GPR39: variants seen among roughly 807,000 people sequenced by gnomAD.
GPR39 encodes the protein G protein-coupled receptor 39, also known as zinc sensing receptor.
GPR39 carries 23 observed loss-of-function variants against 18.4 expected under a neutral mutation model. The ratio of observed to expected loss-of-function variants is 1.25; its 90% CI spans 0.90 to 1.77. GPR39 has a LOEUF of 1.77. Among genes scored for constraint, GPR39 ranks in the 40% most tolerant of loss-of-function variants. The pLI, the probability that GPR39 is intolerant of heterozygous loss-of-function variation, is 0.00. For missense variants in GPR39, 647 were observed against 602.4 expected (o/e 1.07, Z -0.78); for synonymous variants, 280 against 257.9 (o/e 1.09, Z -0.82).
chr2:132,526,068 AACTT>A (rs1324611048), intron 1 of GPR39, among the ~76,000 whole-genome samples: 5 of 152,192 alleles, frequency 3.3e-5, no homozygotes, highest in African/African-American at 1.2e-4. Context: ...TATTTACTAT[AACTT>A]ACTTGGTGGC....
At chr2:132,612,556 T>C (rs956087241) in intron 1 of GPR39, among the ~76,000 whole-genome samples, 1 of 152,214 alleles carries the variant, frequency 6.6e-6, no homozygotes, top group Non-Finnish European at 1.5e-5. Context: ...ATGTCTGCCC[T>C]TTGGAGATTG....
chr2:132,511,916 G>A (rs1278913434), intron 1 of GPR39, among the ~76,000 whole-genome samples: 5 of 151,878 alleles, frequency 3.3e-5, no homozygotes, highest in Non-Finnish European at 7.4e-5. Context: ...TGTGCTACGT[G>A]CGTATCGAAA....
intron 1 of GPR39, among the ~76,000 whole-genome samples, chr2:132,610,190 A>G (rs1244355828): frequency 6.6e-6 from 1 of 152,166 alleles, no homozygotes; most frequent in African/African-American, 2.4e-5. Context: ...TCAAGTCCAC[A>G]TAGAGAATCT....
chr2:132,436,631 G>A (rs1265620601), intron 1 of GPR39, among the ~76,000 whole-genome samples: 1 of 152,104 alleles, frequency 6.6e-6, no homozygotes, highest in Non-Finnish European at 1.5e-5. Context: ...CACAGAGATG[G>A]GAAATATCAG....
At chr2:132,568,332 G>A (rs971745415) in intron 1 of GPR39, among the ~76,000 whole-genome samples, 1 of 152,006 alleles carries the variant, frequency 6.6e-6, no homozygotes, top group Non-Finnish European at 1.5e-5. Flanking sequence ...TGTCGCCATT[G>A]CAGCTATCTT....
At chr2:132,612,005 G>A (rs187201780) in intron 1 of GPR39, among the ~76,000 whole-genome samples, 26 of 152,256 alleles carry the variant, frequency 1.7e-4, no homozygotes, top group Non-Finnish European at 2.5e-4. Flanking sequence ...TGAGTTCAGC[G>A]TGCATTTATC....
At chr2:132,567,046 C>A (rs1304675149) in intron 1 of GPR39, among the ~76,000 whole-genome samples, 1 of 152,134 alleles carries the variant, frequency 6.6e-6, no homozygotes, top group African/African-American at 2.4e-5. Context: ...AGAAGTGGAG[C>A]CTTTGGCCAG....
At chr2:132,501,109 T>C (rs1679029591) in intron 1 of GPR39, among the ~76,000 whole-genome samples, 1 of 151,068 alleles carries the variant, frequency 6.6e-6, no homozygotes, top group East Asian at 1.9e-4. Flanking sequence ...CTGATCTTTG[T>C]TATTTCTTTT....
chr2:132,646,327 G>T lies in GPR39; in HGVS notation c.*721G>T. Reference sequence around the variant, plus strand: ...GCTGAGTTAACGTGCACCGGCAAAAGAATAGCTGTCCCTCTCAGCCCAAAT... The same window carrying T: ...GCTGAGTTAACGTGCACCGGCAAAATAATAGCTGTCCCTCTCAGCCCAAAT... On this transcript the variant is annotated 3_prime_UTR_variant, in exon 2 of 2. Transcript: ENST00000329321. 7.6e-7 allele frequency: 1 copy of T among 1,312,174 alleles called. No individual in the cohort carries two copies. The highest frequency in any genetic ancestry group is 1.0e-6 in the Non-Finnish European group (1 of 991,780). 81.3% of individuals were successfully genotyped at this position (1,312,174 alleles called of 1,614,324 possible).
chr2:132,603,336 G>C (rs1011706376), intron 1 of GPR39, among the ~76,000 whole-genome samples: 1 of 152,150 alleles, frequency 6.6e-6, no homozygotes, highest in African/African-American at 2.4e-5. Context: ...TGACATCATA[G>C]AAGTAGAGAA....
intron 1 of GPR39, among the ~76,000 whole-genome samples, chr2:132,605,177 C>T (rs1046582923): frequency 1.3e-5 from 2 of 152,260 alleles, no homozygotes; most frequent in East Asian, 1.9e-4. Flanking sequence ...TGCCTATCAC[C>T]GTTAGGCTGT....
intron 1 of GPR39, among the ~76,000 whole-genome samples, chr2:132,470,910 A>C (rs1316719627): frequency 2.0e-5 from 3 of 152,152 alleles, no homozygotes; most frequent in Non-Finnish European, 4.4e-5. Flanking sequence ...TTCTTGGGCA[A>C]TTTGTGTGGT....
At chr2:132,517,299 A>C (rs1181166333) in intron 1 of GPR39, among the ~76,000 whole-genome samples, 1 of 151,936 alleles carries the variant, frequency 6.6e-6, no homozygotes, top group African/African-American at 2.4e-5. Flanking sequence ...ATTTTGGGGG[A>C]GGTTAGTTGG....
At chr2:132,463,148 G>T (rs1050353872) in intron 1 of GPR39, among the ~76,000 whole-genome samples, 4 of 152,218 alleles carry the variant, frequency 2.6e-5, no homozygotes, top group African/African-American at 9.6e-5. Context: ...AGGAGCTGGG[G>T]CTTAGTGTGA....
At chr2:132,526,397 G>A (rs1472266445) in intron 1 of GPR39, among the ~76,000 whole-genome samples, 1 of 152,176 alleles carries the variant, frequency 6.6e-6, no homozygotes, top group Non-Finnish European at 1.5e-5. Flanking sequence ...AGGCTCCCAG[G>A]CAAATGGTTT....
At chr2:132,636,191 G>A (rs1167111668) in intron 1 of GPR39, among the ~76,000 whole-genome samples, 1 of 152,164 alleles carries the variant, frequency 6.6e-6, no homozygotes, top group Non-Finnish European at 1.5e-5. Context: ...GGATAATATA[G>A]GTCAATATTA....
chr2:132,492,818 A>G (rs943214460), intron 1 of GPR39, among the ~76,000 whole-genome samples: 1 of 142,404 alleles, frequency 7.0e-6, no homozygotes, highest in Admixed American at 7.2e-5. Flanking sequence ...TATACATACC[A>G]TATATATACC....
intron 1 of GPR39, among the ~76,000 whole-genome samples, chr2:132,518,354 A>G (rs934543622): frequency 3.3e-5 from 5 of 152,228 alleles, no homozygotes; most frequent in Non-Finnish European, 7.3e-5. Flanking sequence ...AAATTAATTT[A>G]GCTCACAGCT....
At chr2:132,458,702 C>T (rs1214986650) in intron 1 of GPR39, among the ~76,000 whole-genome samples, 3 of 151,116 alleles carry the variant, frequency 2.0e-5, no homozygotes, top group African/African-American at 7.4e-5. Context: ...TTGAATTTTC[C>T]CCCCAGGCCA....
Sources: gnomAD v4.1 joint callset for allele counts (sites outside exome capture counted in the v4.1 genomes callset) on GRCh38, gnomAD v4.1.1 for gene constraint, MANE v1.5 for transcripts, NCBI Gene and HGNC (gene_info 2026-07-23, HGNC 2026-07-21) for gene names.